RDH10: variants seen among roughly 807,000 people sequenced by gnomAD.
The protein encoded by RDH10 is retinol dehydrogenase 10.
In RDH10, 12 loss-of-function variants were observed where a neutral mutation model predicts 30.2. The observed-to-expected ratio is 0.40, with a 90% confidence interval of 0.25 to 0.64. The LOEUF (loss-of-function observed/expected upper bound fraction) is 0.64. Ranked by LOEUF, RDH10 falls within the 30% of genes least tolerant of loss-of-function variation. The pLI is 0.43. For missense variants in RDH10, 268 were observed against 445.2 expected (o/e 0.60, Z 3.58); for synonymous variants, 189 against 172.2 (o/e 1.10, Z -0.76).
chr8:73,322,010 T>C (rs1485767366), intron 4 of RDH10: 1 of 456,120 alleles, frequency 2.2e-6, no homozygotes, highest in African/African-American at 2.0e-5. Context: ...TCTTATGTAC[T>C]TGGGAAGCAG....
At chr8:73,312,537 G>A (rs980338184) in intron 2 of RDH10, 2 of 152,214 alleles carry the variant, frequency 1.3e-5, no homozygotes, top group Non-Finnish European at 2.9e-5. Context: ...TAAATAAGCA[G>A]GAGAGTGTTC....
At chr8:73,322,596 T>A in intron 4 of RDH10, 83 bp from the exon 5 acceptor site, 2 of 1,131,242 alleles carry the variant, frequency 1.8e-6, no homozygotes. Flanking sequence ...TCAGATAACA[T>A]CACTGTTAAT....
chr8:73,312,102 T>A (rs1233281494), intron 2 of RDH10: 2 of 152,202 alleles, frequency 1.3e-5, no homozygotes, highest in Non-Finnish European at 2.9e-5. Flanking sequence ...TTTAGCCATA[T>A]TTTCCTTACC....
chr8:73,294,684 G>A lies in RDH10; in HGVS notation c.-606G>A, dbSNP rs1814217284. 2.7e-6 allele frequency: 1 copy of A among 365,232 alleles called. No individual in the cohort carries two copies. The highest frequency in any genetic ancestry group is 1.5e-4 in the South Asian group (1 of 6,776). 22.6% of individuals were successfully genotyped at this position (365,232 alleles called of 1,614,324 possible). Reference sequence around the variant, plus strand: ...CGAGTGACACCCGCGGAGAGTGCAGGGCCGGGGAACGCGAGCCCTCGGGGG... The same window carrying A: ...CGAGTGACACCCGCGGAGAGTGCAGAGCCGGGGAACGCGAGCCCTCGGGGG... On this transcript the variant is annotated 5_prime_UTR_variant, in exon 1 of 6. Coordinates refer to ENST00000240285, the MANE Select transcript of RDH10 (RefSeq NM_172037.5).
intron 2 of RDH10, chr8:73,312,607 A>G (rs989378409): frequency 6.6e-6 from 1 of 152,242 alleles, no homozygotes; most frequent in Non-Finnish European, 1.5e-5. Context: ...AAGGGGTGGA[A>G]CAGTAGAGGA....
At chr8:73,309,098 T>G (rs74647778) in intron 2 of RDH10, among the ~76,000 whole-genome samples, 1 of 152,102 alleles carries the variant, frequency 6.6e-6, no homozygotes, top group Non-Finnish European at 1.5e-5. Context: ...TTTTTTTTCC[T>G]GAGCTAACCA....
Position 73,315,962 on chromosome 8 carries a change from CAATT to C in RDH10, c.526-3130_526-3127del, listed in dbSNP as rs142973061. On this transcript the variant is annotated intron_variant, in intron 2 of 5. Coordinates refer to ENST00000240285, the MANE Select transcript of RDH10 (RefSeq NM_172037.5). ...TTATACTTTTTGGCTAATCTGGGAACAATTAATCATAACTAGATACTTTTAAAAG... is the reference window on the plus strand; with the variant it reads ...TTATACTTTTTGGCTAATCTGGGAACAATCATAACTAGATACTTTTAAAAG... Among the ~76,000 whole-genome samples, 1,059 of 152,270 alleles carry C rather than the reference CAATT, an allele frequency of 7.0e-3. 11 individuals carry two copies. The highest frequency in any genetic ancestry group is 0.024 in the African/African-American group (995 of 41,540).
chr8:73,321,865 G>A (rs2130383294), intron 4 of RDH10: 1 of 456,254 alleles, frequency 2.2e-6, no homozygotes, highest in East Asian at 7.0e-5. Flanking sequence ...AAGGTGATTT[G>A]AATCACTCCA....
chr8:73,304,195 G>A (rs117679664), intron 2 of RDH10, among the ~76,000 whole-genome samples: 1 of 152,234 alleles, frequency 6.6e-6, no homozygotes, highest in Non-Finnish European at 1.5e-5. Flanking sequence ...AAAGCAGCAT[G>A]TCACAAAACT....
Position 73,295,217 on chromosome 8 carries a change from G to A in RDH10, c.-73G>A, listed in dbSNP as rs573786176. On this transcript the variant is annotated 5_prime_UTR_variant, in exon 1 of 6. Transcript: ENST00000240285. ...CCTCTGTGACAAGCGCCCCGGAGCC[G>A]GGAGCCCGATTGCCGGGCTCGGGGT... The A allele has an allele frequency of 8.0e-6, 11 of 1,367,708 alleles. No homozygotes were observed. In the Admixed American group the frequency reaches 2.4e-4, roughly 29 times the overall value. 84.7% of individuals were successfully genotyped at this position (1,367,708 alleles called of 1,614,324 possible). A position where few individuals can be genotyped will look rare whatever the true frequency, so the allele number is the denominator to read the frequency against.
chr8:73,324,314 A>G lies in RDH10; in HGVS notation c.*1278A>G, dbSNP rs573337480. ...TGACATTTTTACAGTATTTTTTTGT[A>G]AAGCAAACTATTTTGTGCCTTGAAT... is the stretch of plus-strand genomic sequence containing the variant. On this transcript the variant is annotated 3_prime_UTR_variant, in exon 6 of 6. Coordinates refer to ENST00000240285, the MANE Select transcript of RDH10 (RefSeq NM_172037.5). The G allele has an allele frequency of 6.5e-6, 1 of 152,772 alleles. No homozygotes were observed. The highest frequency in any genetic ancestry group is 1.9e-4 in the East Asian group (1 of 5,186). 9.5% of individuals were successfully genotyped at this position (152,772 alleles called of 1,614,324 possible).
At position 73,324,537 on chromosome 8, in the gene RDH10, C is replaced by T. The variant is rs1814834708; in HGVS notation, c.*1501C>T. 6.6e-6 allele frequency: 1 copy of T among 152,034 alleles called. No homozygotes were observed. The highest frequency in any genetic ancestry group is 1.5e-5 in the Non-Finnish European group (1 of 67,976). 9.4% of individuals were successfully genotyped at this position (152,034 alleles called of 1,614,324 possible). On this transcript the variant is annotated 3_prime_UTR_variant, in exon 6 of 6. Transcript: ENST00000240285. Reference sequence around the variant, plus strand: ...ACTAATTGGGGAGTTTTATAAATGACTGATTAAATTTAAAGAATTAACTTA... The same window carrying T: ...ACTAATTGGGGAGTTTTATAAATGATTGATTAAATTTAAAGAATTAACTTA...
intron 2 of RDH10, chr8:73,312,839 C>T (rs140855189): frequency 6.6e-6 from 1 of 152,342 alleles, no homozygotes; most frequent in East Asian, 1.9e-4. Context: ...AAATGAATGT[C>T]TACTCTTTCT....
In RDH10 at chr8:73,296,364, C is replaced by T. The variant is rs76333242; in HGVS notation, c.289+786C>T. Among the ~76,000 whole-genome samples the T allele has an allele frequency of 6.2e-3, 946 of 151,826 alleles. 9 individuals carry two copies. The highest frequency in any genetic ancestry group is 0.02 in the African/African-American group (847 of 41,442). On this transcript the variant is annotated intron_variant, in intron 1 of 5. Coordinates refer to ENST00000240285, the MANE Select transcript of RDH10 (RefSeq NM_172037.5). Reference sequence around the variant, plus strand: ...TTTTTAGGGAAAACATTTACCTGTACGGAGAAAATTGACTTGGGCACTTCT... The same window carrying T: ...TTTTTAGGGAAAACATTTACCTGTATGGAGAAAATTGACTTGGGCACTTCT...
chr8:73,311,388 CTGAG>C (rs1814561668), intron 2 of RDH10: 1 of 150,546 alleles, frequency 6.6e-6, no homozygotes, highest in Non-Finnish European at 1.5e-5. Flanking sequence ...ACGTTAATAT[CTGAG>C]TTGCTGCCTT....
At chr8:73,298,764 G>A (rs4738316) in intron 2 of RDH10, among the ~76,000 whole-genome samples, 9 of 152,126 alleles carry the variant, frequency 5.9e-5, no homozygotes, top group Admixed American at 5.9e-4. Flanking sequence ...CTGAGCTCAG[G>A]CAGTCCACCC....
intron 2 of RDH10, among the ~76,000 whole-genome samples, chr8:73,317,691 T>C (rs909715311): frequency 2.0e-5 from 3 of 152,076 alleles, no homozygotes; most frequent in African/African-American, 7.2e-5. Context: ...GAGGCCGAGA[T>C]GGGAGGATCA....
intron 2 of RDH10, among the ~76,000 whole-genome samples, chr8:73,300,047 C>G (rs1335569969): frequency 6.6e-6 from 1 of 152,180 alleles, no homozygotes; most frequent in Non-Finnish European, 1.5e-5. Context: ...GTTGCTTAAC[C>G]ACACAATTTA....
intron 2 of RDH10, among the ~76,000 whole-genome samples, chr8:73,317,308 G>T (rs1433197449): frequency 6.6e-6 from 1 of 152,170 alleles, no homozygotes; most frequent in Non-Finnish European, 1.5e-5. Context: ...GTGACATAAA[G>T]CGCTTTGAAA....
Sources: gnomAD v4.1 joint callset for allele counts (sites outside exome capture counted in the v4.1 genomes callset) on GRCh38, gnomAD v4.1.1 for gene constraint, MANE v1.5 for transcripts, NCBI Gene and HGNC (gene_info 2026-07-23, HGNC 2026-07-21) for gene names.